The following TEP1 variants were observed in gnomAD, a reference collection of about 807,000 sequenced individuals.
TEP1 encodes the protein telomerase associated protein 1.
TEP1 carries 241 observed loss-of-function variants against 306.3 expected under a neutral mutation model. The ratio of observed to expected loss-of-function variants is 0.79; its 90% CI spans 0.71 to 0.88. TEP1 has a LOEUF of 0.88. Ranked by LOEUF, TEP1 falls within the 40% of genes least tolerant of loss-of-function variation. The pLI is 0.00. For synonymous variants in TEP1, 1,289 were observed against 1,305.5 expected, an observed-to-expected ratio of 0.99 and a Z score of 0.27; for missense variants, 3,051 against 3,276.1, an observed-to-expected ratio of 0.93 and a Z score of 1.68.
intron 17 of TEP1, among the ~76,000 whole-genome samples, chr14:20,388,963 C>T (rs1366098525): frequency 1.3e-5 from 2 of 152,140 alleles, no homozygotes; most frequent in African/African-American, 4.8e-5. Flanking sequence ...GCCTGACCAA[C>T]ATGGTGAAAC....
At chr14:20,368,662 C>T in intron 54 of TEP1, 103 bp from the exon 55 acceptor site, 1 of 1,558,246 alleles carries the variant, frequency 6.4e-7, no homozygotes, top group Non-Finnish European at 8.8e-7. Context: ...GTTAGTCATA[C>T]ATTGCAAGTG....
rs376965747 is a variant in TEP1 at position 20,380,390 on chromosome 14, G to A, written c.4848C>T (p.Ile1616=). Residue 1616 remains isoleucine (I), a synonymous_variant, in exon 34 of 55, where the codon ATC becomes ATT. Coordinates refer to ENST00000262715, the MANE Select transcript of TEP1 (RefSeq NM_007110.5). ...GCAGGAGCCGGGGGTACTGGCTGAG[G>A]ATTGAAGCCTGCTGCCTCAGGAAGG... ...FRTFLRQQAS[I]LSQYPRLLPQ... is the part of the protein sequence containing the mutation. 6.2e-7 allele frequency: 1 copy of A among 1,614,106 alleles called. No homozygotes were observed. The highest frequency in any genetic ancestry group is 1.3e-5 in the African/African-American group (1 of 74,950).
chr14:20,391,055 G>A lies in TEP1; in HGVS notation c.2139C>T (p.Ile713=). The A allele has an allele frequency of 6.2e-7, 1 of 1,614,152 alleles. No individual in the cohort carries two copies. Among genetic ancestry groups the A allele is most frequent in the Non-Finnish European group, 8.5e-7 (1 of 1,180,038 alleles). Residue 713 remains isoleucine, a synonymous_variant, in exon 14 of 55, where the codon ATC becomes ATT. Transcript: ENST00000262715. ...CGACGTCCACCTGCTCCGCCCTCGT[G>A]ATCATCATCCCAATCAACAGCAGTG... ...NYALLLIGMM[I]TRAEQVDVVL...
At position 20,385,067 on chromosome 14, in the gene TEP1, C is replaced by A. The variant is rs1369198661; in HGVS notation, c.3025G>T (p.Val1009Leu). The A allele has an allele frequency of 6.2e-7, 1 of 1,614,138 alleles. No homozygotes were observed. The highest frequency in any genetic ancestry group is 8.5e-7 in the Non-Finnish European group (1 of 1,180,018). Residue 1009 changes from valine to leucine, a missense_variant, in exon 21 of 55, where the codon GTG (valine) becomes TTG (leucine). Physicochemically the swap from Val to Leu is conservative, Grantham distance 32. This residue lies in a region of TEP1 where 1,507 missense variants were observed against 1,550.5 expected (regional missense o/e 0.97). Transcript: ENST00000262715. ...TGGTTCCGGTTCAGGAACTGCATCA[C>A]CTCCATCTCTGTCACAGAGCGCCCT... The part of the protein sequence containing the change: ...PSGRSVTEME[V>L]MQFLNRNQRL...
In TEP1 at chr14:20,372,751, G is replaced by C; in HGVS notation, c.7058C>G (p.Ser2353Trp). The C allele has an allele frequency of 6.2e-7, 1 of 1,613,960 alleles. No homozygotes were observed. The highest frequency in any genetic ancestry group is 8.5e-7 in the Non-Finnish European group (1 of 1,179,978). The change falls in exon 49 of 55, where the codon TCG (serine) becomes TGG (tryptophan). Residue 2353 changes from serine (S) to tryptophan (W), a missense_variant. Around this residue, in one of 3 missense-constraint regions of TEP1, gnomAD observed 1,540 missense variants for 1,705.9 expected, o/e 0.90. Transcript: ENST00000262715. Reference sequence around the variant, plus strand: ...GTTTCACCTCAAATTTCCGGGTGCCGAACCCTTCCGCAGTTTCACTTGCCA... The same window carrying C: ...GTTTCACCTCAAATTTCCGGGTGCCCAACCCTTCCGCAGTTTCACTTGCCA... Reference protein sequence around the residue: ...SEWQVKLRKGSAPGNLSLHLN... With the variant: ...SEWQVKLRKGWAPGNLSLHLN...
chr14:20,398,376 C>CAAA (rs202032916), intron 9 of TEP1, among the ~76,000 whole-genome samples: 1 of 89,096 alleles, frequency 1.1e-5, no homozygotes, highest in South Asian at 3.3e-4. Context: ...AGACTCCGCC[C>CAAA]AAAAAAAAAA....
intron 36 of TEP1, 37 bp from the exon 37 acceptor site, chr14:20,378,890 G>A (rs1594332180): frequency 6.2e-7 from 1 of 1,613,658 alleles, no homozygotes; most frequent in Middle Eastern, 1.6e-4. Context: ...TCTGGACCCT[G>A]GCCATCAGCT....
chr14:20,407,835 A>C, intron 2 of TEP1, 38 bp downstream of exon 2: 1 of 1,501,932 alleles, frequency 6.7e-7, no homozygotes, highest in Non-Finnish European at 9.0e-7. Context: ...CATACAACAG[A>C]CATGGCTGGA....
intron 4 of TEP1, among the ~76,000 whole-genome samples, 162 bp from the exon 5 acceptor site, chr14:20,404,934 T>G (rs1879055617): frequency 6.6e-6 from 1 of 152,158 alleles, no homozygotes; most frequent in African/African-American, 2.4e-5. Context: ...GCATTCTAAG[T>G]CCTCCATACT....
At chr14:20,375,716 C>G (rs768661571) in intron 43 of TEP1, 39 bp downstream of exon 43, 12 of 1,440,654 alleles carry the variant, frequency 8.3e-6, no homozygotes, top group Non-Finnish European at 1.2e-5. Flanking sequence ...GCCCCAGGAA[C>G]CCAGCTGGGC....
intron 3 of TEP1, 52 bp from the exon 4 acceptor site, chr14:20,405,637 C>A (rs1295670364): frequency 6.3e-7 from 1 of 1,596,040 alleles, no homozygotes; most frequent in East Asian, 2.2e-5. Context: ...CAAGGACCAA[C>A]TTAAGCATCC....
chr14:20,386,572 C>T lies in TEP1; in HGVS notation c.2736G>A (p.Gly912=). The T allele has an allele frequency of 3.1e-6, 5 of 1,611,210 alleles. No individual in the cohort carries two copies. Among genetic ancestry groups the T allele is most frequent in the Non-Finnish European group, 4.2e-6 (5 of 1,178,066 alleles). Residue 912 remains glycine, a synonymous_variant, in exon 19 of 55, where the codon GGG becomes GGA. Coordinates refer to ENST00000262715, the MANE Select transcript of TEP1 (RefSeq NM_007110.5). ...FISSTFRDMH[G]ERDLLLRSVL... ...CAGACCTCAGCAGCAGGTCCCGCTCCCCATGCATGTCTCGGAAAGTGGATG... is the reference window on the plus strand; with the variant it reads ...CAGACCTCAGCAGCAGGTCCCGCTCTCCATGCATGTCTCGGAAAGTGGATG...
intron 44 of TEP1, among the ~76,000 whole-genome samples, chr14:20,374,159 T>C (rs1050541405): frequency 6.6e-6 from 1 of 151,842 alleles, no homozygotes. Flanking sequence ...GGTTTGATCA[T>C]AGCTCACTGT....
chr14:20,391,011 G>A lies in TEP1; in HGVS notation c.2183C>T (p.Thr728Ile), dbSNP rs773657080. The A allele has an allele frequency of 1.9e-5, 31 of 1,614,024 alleles. No individual in the cohort carries two copies. The highest frequency in any genetic ancestry group is 6.7e-5 in the East Asian group (3 of 44,900). Residue 728 changes from threonine to isoleucine, a missense_variant, in exon 14 of 55, where the codon ACT (threonine) becomes ATT (isoleucine). Thr to Ile is a moderately conservative substitution (Grantham distance 89). Around this residue, in one of 3 missense-constraint regions of TEP1, gnomAD observed 1,507 missense variants for 1,550.5 expected, o/e 0.97. Coordinates refer to ENST00000262715, the MANE Select transcript of TEP1 (RefSeq NM_007110.5). ...TGCCTTAAGCACTGCAGTCTTCAGA[G>A]TGTCACCTCCACACAGCACGACGTC... ...QVDVVLCGGDTLKTAVLKAEE... is the reference protein window; with the variant it reads ...QVDVVLCGGDILKTAVLKAEE...
chr14:20,409,423 C>A (rs970331137), intron 1 of TEP1, among the ~76,000 whole-genome samples: 2 of 152,164 alleles, frequency 1.3e-5, no homozygotes, highest in Non-Finnish European at 2.9e-5. Flanking sequence ...TCTATGCTGG[C>A]GACTCACAGA....
At chr14:20,373,170 C>T (rs530605336) in intron 47 of TEP1, 23 bp from the exon 48 acceptor site, 1 of 1,614,078 alleles carries the variant, frequency 6.2e-7, no homozygotes, top group South Asian at 1.1e-5. Context: ...GGACGTGTTT[C>T]ATTAGGAGCT....
chr14:20,377,968 T>C lies in TEP1; in HGVS notation c.5721+56A>G, dbSNP rs970869016. ...AAGGACCCCCACCCCCACCAAGATA[T>C]TCTTTGCCTTTGCTACTCCTCCTCA... On this transcript the variant is annotated intron_variant, in intron 39 of 54. Coordinates refer to ENST00000262715, the MANE Select transcript of TEP1 (RefSeq NM_007110.5). 1.5e-5 allele frequency: 24 copies of C among 1,580,236 alleles called. No individual in the cohort carries two copies. In the African/African-American group the frequency reaches 2.8e-4, roughly 19 times the overall value.
intron 8 of TEP1, 119 bp downstream of exon 8, chr14:20,401,338 G>C: frequency 6.9e-7 from 1 of 1,448,638 alleles, no homozygotes; most frequent in Non-Finnish European, 9.3e-7. Context: ...CATGTCTACA[G>C]GGCATGTCTG....
intron 9 of TEP1, among the ~76,000 whole-genome samples, chr14:20,397,440 C>A (rs144626723): frequency 6.6e-6 from 1 of 151,748 alleles, no homozygotes; most frequent in Non-Finnish European, 1.5e-5. Context: ...AACCAAAATG[C>A]GAAGGTTGCA....
Sources: gnomAD v4.1 joint callset for allele counts (sites outside exome capture counted in the v4.1 genomes callset) on GRCh38, gnomAD v4.1.1 for gene constraint, gnomAD v4.1.1 regional missense constraint, MANE v1.5 for transcripts, NCBI Gene and HGNC (gene_info 2026-07-23, HGNC 2026-07-21) for gene names.